PTPRT: variants seen among roughly 807,000 people sequenced by gnomAD.
PTPRT encodes receptor-type tyrosine-protein phosphatase T.
Under a neutral mutation model 176.8 loss-of-function variants are expected in PTPRT, and 56 were observed. The ratio of observed to expected loss-of-function variants is 0.32; its 90% CI spans 0.26 to 0.40. The LOEUF is 0.40. PTPRT is among the 10% of genes least tolerant of loss of function. The pLI, the probability that PTPRT is intolerant of heterozygous loss-of-function variation, is 1.00. For missense variants in PTPRT, 1,540 were observed against 1,908.2 expected, an observed-to-expected ratio of 0.81 and a Z score of 3.60; for synonymous variants, 783 against 739.0, an observed-to-expected ratio of 1.06 and a Z score of -0.96.
chr20:42,781,182 G>A (rs750482774), intron 3 of PTPRT, among the ~76,000 whole-genome samples: 29 of 151,148 alleles, frequency 1.9e-4, no homozygotes, highest in Non-Finnish European at 4.0e-4. Flanking sequence ...TATTAATGCA[G>A]AAGGTCCAGG....
At chr20:42,721,565 G>A (rs913537460) in intron 6 of PTPRT, among the ~76,000 whole-genome samples, 3 of 152,224 alleles carry the variant, frequency 2.0e-5, no homozygotes, top group Non-Finnish European at 2.9e-5. Flanking sequence ...GCTGAGAAAC[G>A]GACACAAACA....
At chr20:42,855,990 G>T (rs1463993502) in intron 2 of PTPRT, among the ~76,000 whole-genome samples, 2 of 151,882 alleles carry the variant, frequency 1.3e-5, no homozygotes, top group Non-Finnish European at 2.9e-5. Context: ...AAAATGAATG[G>T]GTTTAGAAAA....
intron 2 of PTPRT, among the ~76,000 whole-genome samples, chr20:42,812,285 G>A (rs933297558): frequency 3.3e-5 from 5 of 151,950 alleles, no homozygotes; most frequent in African/African-American, 1.2e-4. Context: ...CAATTCGGCA[G>A]CATTAATTAC....
intron 1 of PTPRT, among the ~76,000 whole-genome samples, chr20:42,985,789 C>T (rs953448584): frequency 3.9e-5 from 6 of 151,978 alleles, no homozygotes; most frequent in Non-Finnish European, 5.9e-5. Flanking sequence ...CAAAGTCTAG[C>T]GGGGGGATGA....
chr20:42,648,836 T>G (rs1238160634), intron 7 of PTPRT, among the ~76,000 whole-genome samples: 8 of 130,832 alleles, frequency 6.1e-5, no homozygotes, highest in Non-Finnish European at 1.4e-4. Flanking sequence ...TTTTTTTTTT[T>G]TTGACAGAGT....
intron 1 of PTPRT, among the ~76,000 whole-genome samples, chr20:43,020,608 C>T (rs1361122661): frequency 6.6e-6 from 1 of 152,158 alleles, no homozygotes; most frequent in Admixed American, 6.5e-5. Context: ...CCCAACCCTG[C>T]CATGCCCCAC....
intron 1 of PTPRT, among the ~76,000 whole-genome samples, chr20:42,996,995 A>C (rs1438504978): frequency 6.6e-6 from 1 of 152,206 alleles, no homozygotes; most frequent in African/African-American, 2.4e-5. Flanking sequence ...TGTGTACTCC[A>C]AAGCCAGACT....
intron 7 of PTPRT, among the ~76,000 whole-genome samples, chr20:42,518,905 C>A (rs1008713311): frequency 1.3e-5 from 2 of 151,808 alleles, no homozygotes; most frequent in African/African-American, 4.8e-5. Flanking sequence ...ATTTATTTTC[C>A]CTGAAATTTT....
At chr20:42,282,579 TG>T in intron 12 of PTPRT, 54 bp from the exon 13 acceptor site, 2 of 1,451,124 alleles carry the variant, frequency 1.4e-6, no homozygotes, top group Non-Finnish European at 1.9e-6. Flanking sequence ...TATATAAAAT[TG>T]TTATATAAAG....
chr20:43,188,763 C>T (rs1349695224), intron 1 of PTPRT, among the ~76,000 whole-genome samples: 1 of 53,608 alleles, frequency 1.9e-5, no homozygotes, highest in Non-Finnish European at 4.4e-5. Flanking sequence ...GGGGGGGGGG[C>T]TCGGGGGTGG....
intron 12 of PTPRT, 77 bp from the exon 13 acceptor site, chr20:42,282,602 T>C (rs1220563042): frequency 4.3e-6 from 5 of 1,171,414 alleles, no homozygotes; most frequent in East Asian, 5.1e-5. Flanking sequence ...CAAAAATACA[T>C]ATATATTTGC....
chr20:42,587,483 C>T (rs1170955610), intron 7 of PTPRT, among the ~76,000 whole-genome samples: 1 of 152,252 alleles, frequency 6.6e-6, no homozygotes, highest in Non-Finnish European at 1.5e-5. Context: ...TGTCTCACCA[C>T]AGAGCAAGCC....
intron 1 of PTPRT, among the ~76,000 whole-genome samples, chr20:43,016,552 CTTTTTTTTT>C (rs11482189): frequency 6.6e-5 from 5 of 76,236 alleles, no homozygotes; most frequent in African/African-American, 3.5e-4. Flanking sequence ...TCTAAGGCCA[CTTTTTTTTT>C]TTTTTTTTTT....
intron 22 of PTPRT, among the ~76,000 whole-genome samples, chr20:42,111,218 A>G (rs917199505): frequency 2.6e-5 from 4 of 152,164 alleles, no homozygotes; most frequent in African/African-American, 7.2e-5. Context: ...TCGCTTAGAC[A>G]GTTCCTGTTC....
chr20:43,105,041 A>T (rs2012541511), intron 1 of PTPRT, among the ~76,000 whole-genome samples: 1 of 152,180 alleles, frequency 6.6e-6, no homozygotes, highest in Non-Finnish European at 1.5e-5. Flanking sequence ...AAAAGCAGGC[A>T]TTGTGAGGCA....
At chr20:42,466,968 T>C (rs1460918537) in intron 8 of PTPRT, among the ~76,000 whole-genome samples, 1 of 152,162 alleles carries the variant, frequency 6.6e-6, no homozygotes, top group Non-Finnish European at 1.5e-5. Context: ...AGACTGCCAC[T>C]GGCCATATTT....
chr20:42,517,462 C>G (rs2072089784), intron 7 of PTPRT, among the ~76,000 whole-genome samples: 2 of 151,872 alleles, frequency 1.3e-5, no homozygotes, highest in Admixed American at 6.6e-5. Flanking sequence ...TTAACTTTGA[C>G]TTTGCCAATC....
At chr20:42,662,815 A>T (rs963169376) in intron 7 of PTPRT, among the ~76,000 whole-genome samples, 1 of 132,784 alleles carries the variant, frequency 7.5e-6, no homozygotes, top group Non-Finnish European at 1.6e-5. Flanking sequence ...CTGTCCAAAA[A>T]TGTCAATGAT....
chr20:43,118,792 C>T (rs932183574), intron 1 of PTPRT, among the ~76,000 whole-genome samples: 3 of 152,154 alleles, frequency 2.0e-5, no homozygotes, highest in Non-Finnish European at 4.4e-5. Flanking sequence ...TAGTGATCCA[C>T]CCAAGATCAC....
Sources: allele counts gnomAD v4.1 joint callset (sites outside exome capture counted in the v4.1 genomes callset), GRCh38; gene constraint gnomAD v4.1.1; transcripts MANE v1.5; gene names NCBI Gene and HGNC (gene_info 2026-07-23, HGNC 2026-07-21).